The following SENP6 variants were observed in gnomAD, a reference collection of about 807,000 sequenced individuals.
SENP6 encodes the protein SUMO specific peptidase 6.
In SENP6, 41 loss-of-function variants were observed where a neutral mutation model predicts 134.5. The observed-to-expected ratio is 0.30, with a 90% CI of 0.24 to 0.40. The LOEUF (loss-of-function observed/expected upper bound fraction) is 0.40. Ranked by LOEUF, SENP6 falls within the 10% of genes least tolerant of loss-of-function variation. The probability of loss-of-function intolerance (pLI) is 1.00; values close to 1 mark genes in which losing one functional copy is unlikely to be tolerated. For synonymous variants in SENP6, 395 were observed against 429.8 expected (o/e 0.92, Z 1.00); for missense variants, 1,248 against 1,312.5 (o/e 0.95, Z 0.76).
intron 16 of SENP6, among the ~76,000 whole-genome samples, chr6:75,684,890 T>C: frequency 6.6e-6 from 1 of 152,248 alleles, no homozygotes; most frequent in East Asian, 1.9e-4. Flanking sequence ...CAGGCTTTGG[T>C]ATCAGGATGA....
At chr6:75,695,989 C>T (rs966927391) in intron 17 of SENP6, 66 bp downstream of exon 17, 13 of 1,388,438 alleles carry the variant, frequency 9.4e-6, no homozygotes, top group Admixed American at 2.5e-5. Flanking sequence ...TGAAAAATCA[C>T]GTACTTGAAA....
chr6:75,644,847 C>T (rs1466836241), intron 6 of SENP6, among the ~76,000 whole-genome samples: 1 of 152,038 alleles, frequency 6.6e-6, no homozygotes, highest in Non-Finnish European at 1.5e-5. Flanking sequence ...TCTTTTTTGA[C>T]GTGTGATGGC....
At chr6:75,625,817 T>G (rs1195271214) in intron 3 of SENP6, among the ~76,000 whole-genome samples, 1 of 152,124 alleles carries the variant, frequency 6.6e-6, no homozygotes, top group Non-Finnish European at 1.5e-5. Flanking sequence ...TGCAGTGAGC[T>G]GAGATTGCGC....
Position 75,702,760 on chromosome 6 carries a change from A to G in SENP6, c.2404A>G (p.Ser802Gly), listed in dbSNP as rs760292605. The G allele has an allele frequency of 9.9e-6, 16 of 1,614,136 alleles. No homozygotes were observed. Among genetic ancestry groups the G allele is most frequent in the Non-Finnish European group, 1.4e-5 (16 of 1,180,000 alleles). The change falls in exon 19 of 24, where the codon AGT (serine) becomes GGT (glycine). Residue 802 changes from serine to glycine, a missense_variant. This residue lies in a region of SENP6 where 386 missense variants were observed against 395.0 expected (regional missense o/e 0.98). Coordinates refer to ENST00000447266, the MANE Select transcript of SENP6 (RefSeq NM_015571.4). ...ACAGAAATGTTCAACTGTAGAGGAC[A>G]GTTGTATTTCTTCTTCAGCCAGTGA... ...VIQKCSTVEDSCISSSASEME... is the reference protein window; with the variant it reads ...VIQKCSTVEDGCISSSASEME...
At chr6:75,653,599 ATT>A (rs1277850825) in intron 7 of SENP6, among the ~76,000 whole-genome samples, 3 of 150,892 alleles carry the variant, frequency 2.0e-5, no homozygotes, top group Non-Finnish European at 4.4e-5. Flanking sequence ...CTACTGAAGT[ATT>A]TAATAAATTG....
In SENP6 at chr6:75,695,930, C is replaced by G. The variant is rs1319810143; in HGVS notation, c.2195+7C>G. ...ATGAAACAACTAATCTGTCGTAAGT[C>G]AAACTCTGAAAATATTTAACAGATG... On this transcript the variant is annotated splice_region_variant and intron_variant, in intron 17 of 23. Coordinates refer to ENST00000447266, the MANE Select transcript of SENP6 (RefSeq NM_015571.4). 1.9e-6 allele frequency: 3 copies of G among 1,577,388 alleles called. No homozygotes were observed. The highest frequency in any genetic ancestry group is 2.6e-6 in the Non-Finnish European group (3 of 1,167,676).
intron 14 of SENP6, chr6:75,678,165 T>C (rs918964489): frequency 1.3e-5 from 2 of 156,378 alleles, no homozygotes; most frequent in African/African-American, 4.8e-5. Context: ...CTGTTTCACT[T>C]AGCTTTATGG....
intron 3 of SENP6, among the ~76,000 whole-genome samples, chr6:75,626,014 C>T (rs1582698896): frequency 6.6e-6 from 1 of 152,114 alleles, no homozygotes; most frequent in East Asian, 1.9e-4. Flanking sequence ...ATGACACTAG[C>T]AGGTATATGT....
intron 1 of SENP6, among the ~76,000 whole-genome samples, chr6:75,616,413 T>C (rs1055878773): frequency 6.6e-6 from 1 of 152,210 alleles, no homozygotes; most frequent in Admixed American, 6.5e-5. Context: ...CCATGGAGGT[T>C]CTAATCTAAT....
chr6:75,638,592 A>G (rs2784729), intron 5 of SENP6, among the ~76,000 whole-genome samples: 6,036 of 36,844 alleles, frequency 0.16, 366 homozygotes, highest in Non-Finnish European at 0.22. Flanking sequence ...GTGTGTGTGT[A>G]TATATATATA....
chr6:75,702,901 C>G lies in SENP6; in HGVS notation c.2545C>G (p.Arg849Gly), dbSNP rs371776397. 1 of 1,613,928 alleles carries G rather than the reference C, an allele frequency of 6.2e-7. No individual in the cohort carries two copies. The highest frequency in any genetic ancestry group is 1.3e-5 in the African/African-American group (1 of 74,956). The change falls in exon 19 of 24, where the codon CGT (arginine) becomes GGT (glycine). Residue 849 changes from arginine to glycine, a missense_variant. Physicochemically the swap from Arg to Gly is moderately radical, Grantham distance 125. Coordinates refer to ENST00000447266, the MANE Select transcript of SENP6 (RefSeq NM_015571.4). Reference protein sequence around the residue: ...SNPGQEESDPRYKRNICSVKY... With the variant: ...SNPGQEESDPGYKRNICSVKY... ...TCCTGGGCAGGAAGAAAGTGACCCT[C>G]GTTATAAGAGAAACATATGCAGTGT...
intron 8 of SENP6, among the ~76,000 whole-genome samples, chr6:75,660,971 T>A (rs1407876579): frequency 2.0e-5 from 3 of 152,116 alleles, no homozygotes. Context: ...GTCATTCATT[T>A]CTCTGAGGAG....
intron 1 of SENP6, among the ~76,000 whole-genome samples, chr6:75,607,511 T>G (rs542859626): frequency 6.6e-6 from 1 of 152,318 alleles, no homozygotes; most frequent in South Asian, 2.1e-4. Flanking sequence ...TTTCTTCATT[T>G]TTGTACTGCA....
At chr6:75,707,060 T>C (rs2149903606) in intron 19 of SENP6, among the ~76,000 whole-genome samples, 1 of 152,330 alleles carries the variant, frequency 6.6e-6, no homozygotes, top group African/African-American at 2.4e-5. Flanking sequence ...TTACTCCAGA[T>C]CACTTGTTTA....
intron 19 of SENP6, among the ~76,000 whole-genome samples, chr6:75,705,935 T>TTTTTTTTTTTTTTTTTG (rs1775376290): frequency 1.2e-5 from 1 of 80,702 alleles, no homozygotes; most frequent in Non-Finnish European, 2.3e-5. Flanking sequence ...CTTTTTTTTT[T>TTTTTTTTTTTTTTTTTG]TTTTTTTTTT....
At chr6:75,602,597 G>T in intron 1 of SENP6, 21 bp downstream of exon 1, 2 of 1,549,948 alleles carry the variant, frequency 1.3e-6, no homozygotes, top group Non-Finnish European at 1.7e-6. Context: ...TTCTGCCCTT[G>T]ACGGGGAGAA....
At chr6:75,695,318 CA>C (rs1466596942) in intron 16 of SENP6, among the ~76,000 whole-genome samples, 1 of 152,194 alleles carries the variant, frequency 6.6e-6, no homozygotes, top group Admixed American at 6.5e-5. Flanking sequence ...ATTTTATTTT[CA>C]AATAGCAATT....
At chr6:75,612,815 C>G (rs1278757134) in intron 1 of SENP6, among the ~76,000 whole-genome samples, 1 of 152,050 alleles carries the variant, frequency 6.6e-6, no homozygotes, top group African/African-American at 2.4e-5. Context: ...GGTCAGGTAT[C>G]AGAAAACTAT....
intron 2 of SENP6, 94 bp from the exon 3 acceptor site, chr6:75,623,806 C>T: frequency 1.8e-6 from 2 of 1,106,610 alleles, no homozygotes; most frequent in South Asian, 1.6e-5. Flanking sequence ...TTGCTGATTC[C>T]CTGAATTAGG....
Sources: gnomAD v4.1 joint callset for allele counts (sites outside exome capture counted in the v4.1 genomes callset) on GRCh38, gnomAD v4.1.1 for gene constraint, gnomAD v4.1.1 regional missense constraint, MANE v1.5 for transcripts, NCBI Gene and HGNC (gene_info 2026-07-23, HGNC 2026-07-21) for gene names.